Variants in ATP13A4 observed in about 807,000 individuals in gnomAD.
ATP13A4 encodes the protein probable cation-transporting ATPase 13A4.
ATP13A4 carries 114 observed loss-of-function variants against 142.5 expected under a neutral mutation model. The observed-to-expected ratio is 0.80, with a 90% CI of 0.69 to 0.93. The LOEUF (loss-of-function observed/expected upper bound fraction) is 0.93. Ranked by LOEUF, ATP13A4 falls within the 40% of genes least tolerant of loss-of-function variation. ATP13A4 has a pLI of 0.00. For missense variants in ATP13A4, 1,392 were observed against 1,454.0 expected, an observed-to-expected ratio of 0.96 and a Z score of 0.69; for synonymous variants, 488 against 514.8, an observed-to-expected ratio of 0.95 and a Z score of 0.70.
chr3:193,513,771 T>C (rs374043552), intron 2 of ATP13A4, among the ~76,000 whole-genome samples: 9 of 152,316 alleles, frequency 5.9e-5, no homozygotes, highest in African/African-American at 1.7e-4. Flanking sequence ...CCCTAGTGTA[T>C]CTGCAGAATG....
At chr3:193,531,319 G>GGAGGGACGGAAGGGA (rs1389639393) in intron 1 of ATP13A4, among the ~76,000 whole-genome samples, 1 of 123,468 alleles carries the variant, frequency 8.1e-6, no homozygotes, top group Non-Finnish European at 1.7e-5. Flanking sequence ...AGGAAGGAAG[G>GGAGGGACGGAAGGGA]AAGGAAGGAA....
At chr3:193,510,694 C>T (rs980276412) in intron 2 of ATP13A4, among the ~76,000 whole-genome samples, 3 of 152,038 alleles carry the variant, frequency 2.0e-5, no homozygotes, top group Admixed American at 6.5e-5. Context: ...AAACTGTGTA[C>T]TGTAGACTTT....
chr3:193,435,652 T>C lies in ATP13A4; in HGVS notation c.2765A>G (p.Tyr922Cys). ...AGGCTAAGTCCCAAGTCATACCCAG[T>C]AGAGCAGCAGAACACCAACATACTG... The part of the protein sequence containing the change: ...MIQYVGVLLL[Y>C]WETNSLSNYQ... The change falls in exon 24 of 30, where the codon TAC becomes TGC. Residue 922 changes from tyrosine to cysteine, a missense_variant. Coordinates refer to ENST00000342695, the MANE Select transcript of ATP13A4 (RefSeq NM_032279.4). The C allele has an allele frequency of 6.2e-7, 1 of 1,613,026 alleles. No individual in the cohort carries two copies. Among genetic ancestry groups the C allele is most frequent in the Non-Finnish European group, 8.5e-7 (1 of 1,179,098 alleles).
At chr3:193,578,564 G>C (rs1197816941) in intron 2 of ATP13A4, among the ~76,000 whole-genome samples, 1 of 152,058 alleles carries the variant, frequency 6.6e-6, no homozygotes, top group Non-Finnish European at 1.5e-5. Flanking sequence ...CATCACTTCT[G>C]GGTATATCCA....
At chr3:193,491,872 G>T (rs1249344098) in intron 5 of ATP13A4, among the ~76,000 whole-genome samples, 2 of 151,824 alleles carry the variant, frequency 1.3e-5, no homozygotes, top group African/African-American at 4.8e-5. Flanking sequence ...GAGTGGAAAG[G>T]CTCTGTGATC....
chr3:193,554,601 C>T (rs189325042), intron 1 of ATP13A4, 139 bp downstream of exon 1: 18 of 1,072,112 alleles, frequency 1.7e-5, no homozygotes, highest in African/African-American at 1.4e-4. Flanking sequence ...GACCTTTTCT[C>T]GTGTAATACC....
rs192423748 is a variant in ATP13A4 at position 193,403,266 on chromosome 3, C to A, written c.3379-402G>T. On this transcript the variant is annotated intron_variant, in intron 29 of 29. Coordinates refer to ENST00000342695, the MANE Select transcript of ATP13A4 (RefSeq NM_032279.4). ...ACTACTAAATACTAAACACAATTGACCCTATATAAAGATGTGGCCCATGTA... is the reference window on the plus strand; with the variant it reads ...ACTACTAAATACTAAACACAATTGAACCTATATAAAGATGTGGCCCATGTA... 5.2e-3 allele frequency among the ~76,000 whole-genome samples: 798 copies of A among 152,148 alleles called. 5 individuals are homozygous for A. Among genetic ancestry groups the A allele is most frequent in the Non-Finnish European group, 8.4e-3 (571 of 68,010 alleles).
chr3:193,411,103 A>G (rs760415319), intron 27 of ATP13A4, 33 bp from the exon 28 acceptor site: 16 of 1,428,702 alleles, frequency 1.1e-5, no homozygotes, highest in Middle Eastern at 1.7e-4. Context: ...TATTATTTTG[A>G]GAAATCAGAG....
intron 2 of ATP13A4, among the ~76,000 whole-genome samples, chr3:193,505,160 C>T (rs77816089): frequency 0.016 from 2,370 of 152,222 alleles, 41 homozygotes; most frequent in East Asian, 0.07. Flanking sequence ...CCCATGGTGT[C>T]TATGGCTTGC....
chr3:193,411,779 A>G (rs1714778232), intron 27 of ATP13A4, among the ~76,000 whole-genome samples: 1 of 152,178 alleles, frequency 6.6e-6, no homozygotes, highest in African/African-American at 2.4e-5. Context: ...CTGCCACCAC[A>G]CAATGCCACC....
chr3:193,440,508 CTG>C, intron 21 of ATP13A4, 48 bp downstream of exon 21: 3 of 1,612,116 alleles, frequency 1.9e-6, no homozygotes, highest in Non-Finnish European at 2.5e-6. Context: ...CTCCCCCTGA[CTG>C]TTATGCCTCC....
intron 1 of ATP13A4, among the ~76,000 whole-genome samples, chr3:193,592,845 T>C (rs1047539396): frequency 6.6e-6 from 1 of 152,234 alleles, no homozygotes; most frequent in African/African-American, 2.4e-5. Flanking sequence ...CATTAGTTTG[T>C]AGTACGCTAT....
At chr3:193,442,595 A>G (rs374638771) in intron 18 of ATP13A4, 39 bp from the exon 19 acceptor site, 22 of 1,584,464 alleles carry the variant, frequency 1.4e-5, no homozygotes, top group Middle Eastern at 1.9e-4. Flanking sequence ...GAGGTTGACA[A>G]GATTGAATTA....
chr3:193,402,880 A>G lies in ATP13A4; in HGVS notation c.3379-16T>C. 1 of 1,611,228 alleles carries G rather than the reference A, an allele frequency of 6.2e-7. No homozygotes were observed. Among genetic ancestry groups the G allele is most frequent in the Non-Finnish European group, 8.5e-7 (1 of 1,178,208 alleles). ...TAACAGCCTCCTGCAAAATAAAATAATTACTTTTTACAAGCAAGGGTTGAG... is the reference window on the plus strand; with the variant it reads ...TAACAGCCTCCTGCAAAATAAAATAGTTACTTTTTACAAGCAAGGGTTGAG... On this transcript the variant is annotated splice_polypyrimidine_tract_variant and intron_variant, in intron 29 of 29. Transcript: ENST00000342695.
chr3:193,555,209 C>T (rs904497288), upstream of ATP13A4: 24 of 306,966 alleles, frequency 7.8e-5, no homozygotes, highest in East Asian at 4.7e-4. Context: ...GAGTGAGGAG[C>T]GGGTGCAAGA....
At chr3:193,494,654 T>C (rs1292641204) in intron 3 of ATP13A4, among the ~76,000 whole-genome samples, 3 of 151,806 alleles carry the variant, frequency 2.0e-5, no homozygotes, top group Non-Finnish European at 4.4e-5. Flanking sequence ...TGTATAGCAG[T>C]AAACACCTAT....
At chr3:193,466,318 C>T (rs1718284048) in intron 10 of ATP13A4, 136 bp from the exon 11 acceptor site, 1 of 1,091,612 alleles carries the variant, frequency 9.2e-7, no homozygotes, top group Admixed American at 1.8e-5. Flanking sequence ...TGAAAGATAA[C>T]TAGAAAAATA....
At chr3:193,545,878 C>T (rs1286087035) in intron 1 of ATP13A4, among the ~76,000 whole-genome samples, 1 of 151,712 alleles carries the variant, frequency 6.6e-6, no homozygotes, top group African/African-American at 2.4e-5. Context: ...CTTTCCTTGA[C>T]CAAAAAATTC....
At chr3:193,572,854 A>G (rs192029775) in intron 2 of ATP13A4, among the ~76,000 whole-genome samples, 12 of 152,078 alleles carry the variant, frequency 7.9e-5, no homozygotes, top group Non-Finnish European at 1.3e-4. Flanking sequence ...GGCCAGGTGC[A>G]GTGTGACTCA....
Sources: allele counts gnomAD v4.1 joint callset (sites outside exome capture counted in the v4.1 genomes callset), GRCh38; gene constraint gnomAD v4.1.1; transcripts MANE v1.5; gene names NCBI Gene and HGNC (gene_info 2026-07-23, HGNC 2026-07-21).